GABBR1: variants seen among roughly 807,000 people sequenced by gnomAD.
GABBR1 encodes the protein gamma-aminobutyric acid type B receptor subunit 1.
Under a neutral mutation model 117.7 loss-of-function variants are expected in GABBR1, and 35 were observed. The observed-to-expected ratio is 0.30, with a 90% CI of 0.23 to 0.39. The LOEUF is 0.39. GABBR1 is among the 10% of genes least tolerant of loss of function. The pLI is 1.00. For synonymous variants in GABBR1, 442 were observed against 486.6 expected (o/e 0.91, Z 1.21); for missense variants, 709 against 1,241.8 (o/e 0.57, Z 6.45).
Position 29,613,476 on chromosome 6 carries a change from C to T in GABBR1, c.1333G>A (p.Glu445Lys). 2 of 1,612,400 alleles carry T rather than the reference C, an allele frequency of 1.2e-6. No homozygotes were observed. Among genetic ancestry groups the T allele is most frequent in the Non-Finnish European group, 1.7e-6 (2 of 1,179,510 alleles). The change falls in exon 12 of 23, where the codon GAA (glutamate) becomes AAA (lysine). Residue 445 changes from glutamate (E) to lysine (K), a missense_variant. Glu to Lys is a moderately conservative substitution (Grantham distance 56). This residue lies in a region of GABBR1 where 192 missense variants were observed against 418.4 expected (regional missense o/e 0.46). Transcript: ENST00000377034. The surrounding 1 kb of genome is among the most constrained non-coding windows in gnomAD (Gnocchi z 4.1). ...TRSISNMTSQ[E>K]FVEKLTKRLK... ...CGCTTGGTTAGTTTCTCCACAAATT[C>T]CTGGGATGTCTTGGGAGGAAAAAAT...
Position 29,613,163 on chromosome 6 carries a change from G to C in GABBR1, c.1566+80C>G. 1 of 1,420,492 alleles carries C rather than the reference G, an allele frequency of 7.0e-7. No homozygotes were observed. The highest frequency in any genetic ancestry group is 9.8e-7 in the Non-Finnish European group (1 of 1,019,006). The allele number at this position is 1,420,492 out of a possible 1,614,324, so 88.0% of individuals were successfully genotyped here. ...GAAGTAACTGAGAAAAACAGAGAATGCATGTTTGTAGAAGGTGCCTCTTGG... is the reference window on the plus strand; with the variant it reads ...GAAGTAACTGAGAAAAACAGAGAATCCATGTTTGTAGAAGGTGCCTCTTGG... On this transcript the variant is annotated intron_variant, in intron 12 of 22. Transcript: ENST00000377034. This position sits in a 1 kb window ranked among gnomAD's most constrained non-coding sequence, Gnocchi z 4.1.
Position 29,605,301 on chromosome 6 carries a change from A to G in GABBR1, c.2439+268T>C. 3.5e-6 allele frequency: 2 copies of G among 564,962 alleles called. No individual in the cohort carries two copies. The highest frequency in any genetic ancestry group is 6.2e-6 in the Non-Finnish European group (2 of 323,654). The allele number at this position is 564,962 out of a possible 1,614,324, so 35.0% of individuals were successfully genotyped here. ...AGAGTCCAGCCCATTAACCACAGAC[A>G]AGCAATTTAACGTCTCTGTGTTTCT... On this transcript the variant is annotated intron_variant, in intron 20 of 22. Transcript: ENST00000377034. The surrounding 1 kb of genome is among the most constrained non-coding windows in gnomAD (Gnocchi z 4.2).
At chr6:29,612,161 C>G (rs370136019) in intron 13 of GABBR1, among the ~76,000 whole-genome samples, 1 of 151,880 alleles carries the variant, frequency 6.6e-6, no homozygotes, top group East Asian at 1.9e-4. Flanking sequence ...GCCACCACAC[C>G]CAGCTAATTT....
rs1024193506 is a variant in GABBR1, at chr6:29,623,821, C to T, written c.792+69G>A. ...CTCCTTTTCAATACAAACCCACAAT[C>T]GCCATCGTCCCTTCAGTAGAGCTCA... On this transcript the variant is annotated intron_variant, in intron 7 of 22. Transcript: ENST00000377034. This position sits in a 1 kb window ranked among gnomAD's most constrained non-coding sequence, Gnocchi z 6.2. The T allele has an allele frequency of 1.5e-5, 23 of 1,524,918 alleles. No homozygotes were observed. Among genetic ancestry groups the T allele is most frequent in the East Asian group, 2.3e-5 (1 of 44,108 alleles). The allele number at this position is 1,524,918 out of a possible 1,614,324, so 94.5% of individuals were successfully genotyped here.
intron 6 of GABBR1, among the ~76,000 whole-genome samples, chr6:29,624,679 G>C (rs1020856824): frequency 6.6e-6 from 1 of 152,090 alleles, no homozygotes; most frequent in Non-Finnish European, 1.5e-5. Context: ...GATGAGGAAA[G>C]AACAGAGAGA....
In GABBR1 at chr6:29,623,410, C is replaced by T. The variant is rs374257753; in HGVS notation, c.858G>A (p.Thr286=). 3.1e-5 allele frequency: 50 copies of T among 1,613,828 alleles called. No individual in the cohort carries two copies. The highest frequency in any genetic ancestry group is 1.6e-4 in the Middle Eastern group (1 of 6,076). ...GGTTGTGGAGTGTGGCTGATGGGTG[C>T]GTTCGGAAGAAAGTGGGGAAACGCT... ...NRQRFPTFFR[T]HPSATLHNPT... The change falls in exon 8 of 23, where the codon ACG becomes ACA. Residue 286 remains threonine (T), a synonymous_variant. Coordinates refer to ENST00000377034, the MANE Select transcript of GABBR1 (RefSeq NM_001470.4). The surrounding 1 kb of genome is among the most constrained non-coding windows in gnomAD (Gnocchi z 6.2).
rs761241040 is a variant in GABBR1, at chr6:29,605,732, G to A, written c.2312-36C>T. 1.2e-6 allele frequency: 2 copies of A among 1,604,828 alleles called. No individual in the cohort carries two copies. The highest frequency in any genetic ancestry group is 2.2e-5 in the East Asian group (1 of 44,868). On this transcript the variant is annotated intron_variant, in intron 19 of 22. Transcript: ENST00000377034. This position sits in a 1 kb window ranked among gnomAD's most constrained non-coding sequence, Gnocchi z 4.2. Reference sequence around the variant, plus strand: ...AGGAGAGAGTCACTTGAGCAACAAGGACCACAATGCTCCTCACTCAATCCC... The same window carrying A: ...AGGAGAGAGTCACTTGAGCAACAAGAACCACAATGCTCCTCACTCAATCCC...
chr6:29,616,486 C>A (rs1763121478), intron 11 of GABBR1, among the ~76,000 whole-genome samples: 2 of 151,154 alleles, frequency 1.3e-5, no homozygotes, highest in South Asian at 4.2e-4. Context: ...GTGTTCGAGA[C>A]CAACCTGACC....
Position 29,608,750 on chromosome 6 carries a change from G to C in GABBR1, c.1860-17C>G, listed in dbSNP as rs750646029. ...TGGATATAACTAGGGCAGAGGTGGA[G>C]AGGGTGAGAGGGAGAGAGAATTACC... On this transcript the variant is annotated splice_polypyrimidine_tract_variant and intron_variant, in intron 15 of 22. Coordinates refer to ENST00000377034, the MANE Select transcript of GABBR1 (RefSeq NM_001470.4). The C allele has an allele frequency of 6.2e-7, 1 of 1,610,280 alleles. No individual in the cohort carries two copies. Among genetic ancestry groups the C allele is most frequent in the African/African-American group, 1.3e-5 (1 of 74,938 alleles).
Position 29,605,231 on chromosome 6 carries a change from A to G in GABBR1, c.2440-243T>C. 1.8e-6 allele frequency: 1 copy of G among 569,016 alleles called. No individual in the cohort carries two copies. Among genetic ancestry groups the G allele is most frequent in the Non-Finnish European group, 3.0e-6 (1 of 328,678 alleles). The allele number at this position is 569,016 out of a possible 1,614,324, so 35.2% of individuals were successfully genotyped here. On this transcript the variant is annotated intron_variant, in intron 20 of 22. Coordinates refer to ENST00000377034, the MANE Select transcript of GABBR1 (RefSeq NM_001470.4). The surrounding 1 kb of genome is among the most constrained non-coding windows in gnomAD (Gnocchi z 4.2). ...AGGAACTCCCAGGATCTCTATGCAC[A>G]GATTCCGGGTCCTCCAGAGTCGGTC...
In GABBR1 at chr6:29,632,277, G is replaced by A; in HGVS notation, c.85+24C>T. 1 of 1,340,900 alleles carries A rather than the reference G, an allele frequency of 7.5e-7. No homozygotes were observed. Among genetic ancestry groups the A allele is most frequent in the African/African-American group, 1.5e-5 (1 of 64,924 alleles). 83.1% of individuals were successfully genotyped at this position (1,340,900 alleles called of 1,614,324 possible). On this transcript the variant is annotated intron_variant, in intron 2 of 22. Coordinates refer to ENST00000377034, the MANE Select transcript of GABBR1 (RefSeq NM_001470.4). This position sits in a 1 kb window ranked among gnomAD's most constrained non-coding sequence, Gnocchi z 5.8. ...AAGGGAAGTGGAGCGAAGGAGGGCCGGAGGTCGTCGAAGAAGGATGCACCT... is the reference window on the plus strand; with the variant it reads ...AAGGGAAGTGGAGCGAAGGAGGGCCAGAGGTCGTCGAAGAAGGATGCACCT...
intron 11 of GABBR1, among the ~76,000 whole-genome samples, chr6:29,619,781 C>G (rs1014735196): frequency 6.6e-6 from 1 of 152,092 alleles, no homozygotes; most frequent in African/African-American, 2.4e-5. Flanking sequence ...AATACTTTCC[C>G]AGGTTTTATG....
Position 29,610,954 on chromosome 6 carries a change from G to T in GABBR1, c.1678C>A (p.Leu560Ile). Residue 560 changes from leucine to isoleucine, a missense_variant, in exon 14 of 23, where the codon CTT (leucine) becomes ATT (isoleucine). By Grantham distance (5) the Leu-to-Ile change is conservative. Transcript: ENST00000377034. ...IGYYDSTKDD[L>I]SWSKTDKWIG... ...CATTTATCTGTTTTGGACCAGGAAA[G>T]ATCATCCTTGGTGCTGTCATAGTAG... The T allele has an allele frequency of 6.2e-7, 1 of 1,613,024 alleles. No homozygotes were observed. The highest frequency in any genetic ancestry group is 8.5e-7 in the Non-Finnish European group (1 of 1,179,978).
In GABBR1 at chr6:29,603,614, G is replaced by A; in HGVS notation, c.2815C>T (p.Pro939Ser). The change falls in exon 23 of 23, where the codon CCC becomes TCC. Residue 939 changes from proline to serine, a missense_variant. Coordinates refer to ENST00000377034, the MANE Select transcript of GABBR1 (RefSeq NM_001470.4). ...PTPPEPSGGL[P>S]RGPPEPPDRL... Reference sequence around the variant, plus strand: ...TCGGGGGGCTCAGGGGGTCCCCTGGGCAGGCCCCCAGAGGGTTCTGGGGGT... The same window carrying A: ...TCGGGGGGCTCAGGGGGTCCCCTGGACAGGCCCCCAGAGGGTTCTGGGGGT... The A allele has an allele frequency of 3.2e-6, 5 of 1,570,680 alleles. No homozygotes were observed. Among genetic ancestry groups the A allele is most frequent in the Non-Finnish European group, 3.4e-6 (4 of 1,162,892 alleles).
In GABBR1 at chr6:29,605,783, T is replaced by G. The variant is rs1372309684; in HGVS notation, c.2312-87A>C. ...CATCCCCTCTCTGCCCTTCACCTAC[T>G]CTGAAATGGAAAGGGGGCCCTCCTC... On this transcript the variant is annotated intron_variant, in intron 19 of 22. Coordinates refer to ENST00000377034, the MANE Select transcript of GABBR1 (RefSeq NM_001470.4). The surrounding 1 kb of genome is among the most constrained non-coding windows in gnomAD (Gnocchi z 4.2). 1 of 1,507,222 alleles carries G rather than the reference T, an allele frequency of 6.6e-7. No homozygotes were observed. Among genetic ancestry groups the G allele is most frequent in the Non-Finnish European group, 9.0e-7 (1 of 1,117,296 alleles). The allele number at this position is 1,507,222 out of a possible 1,614,324, so 93.4% of individuals were successfully genotyped here.
Position 29,608,590 on chromosome 6 carries a change from C to G in GABBR1, c.1992+11G>C. 1 of 1,611,394 alleles carries G rather than the reference C, an allele frequency of 6.2e-7. No individual in the cohort carries two copies. Among genetic ancestry groups the G allele is most frequent in the South Asian group, 1.1e-5 (1 of 90,774 alleles). On this transcript the variant is annotated intron_variant, in intron 16 of 22. Coordinates refer to ENST00000377034, the MANE Select transcript of GABBR1 (RefSeq NM_001470.4). The stretch of plus-strand genomic sequence containing the variant: ...CACATCCTGTAAGGAATTTGCCCAC[C>G]ACCTCCTCACCTGGCAGACGAAAGG...
chr6:29,631,108 G>A lies in GABBR1; in HGVS notation c.289+288C>T, dbSNP rs997605500. 2.0e-5 allele frequency among the ~76,000 whole-genome samples: 3 copies of A among 152,114 alleles called. No individual in the cohort carries two copies. Among genetic ancestry groups the A allele is most frequent in the Non-Finnish European group, 2.9e-5 (2 of 68,024 alleles). ...TTTTAGAATTTTTTTGTCATCATCTGCCACTAATGATCCTCAAAGAGAATA... is the reference window on the plus strand; with the variant it reads ...TTTTAGAATTTTTTTGTCATCATCTACCACTAATGATCCTCAAAGAGAATA... On this transcript the variant is annotated intron_variant, in intron 3 of 22. Transcript: ENST00000377034. The surrounding 1 kb of genome is among the most constrained non-coding windows in gnomAD (Gnocchi z 5.9).
rs188675769 is a variant in GABBR1 at position 29,631,721 on chromosome 6, G to A, written c.86-122C>T. ...TGTGGGCAGGCTGGGGACAGAGGAA[G>A]AGGGATGGGGCACTAGAGGGTGGGA... On this transcript the variant is annotated intron_variant, in intron 2 of 22. Transcript: ENST00000377034. This position sits in a 1 kb window ranked among gnomAD's most constrained non-coding sequence, Gnocchi z 5.9. 4 of 787,828 alleles carry A rather than the reference G, an allele frequency of 5.1e-6. No homozygotes were observed. Among genetic ancestry groups the A allele is most frequent in the Non-Finnish European group, 8.5e-6 (4 of 469,104 alleles). 48.8% of individuals were successfully genotyped at this position (787,828 alleles called of 1,614,324 possible). A position where few individuals can be genotyped will look rare whatever the true frequency, so the allele number is the denominator to read the frequency against.
chr6:29,603,722 G>A lies in GABBR1; in HGVS notation c.2713-6C>T. ...TCAGAGACACGCTCCTCTTTCTGGA[G>A]GAAGAAGCACAATTGGGATAGTAGG... On this transcript the variant is annotated splice_region_variant and splice_polypyrimidine_tract_variant and intron_variant, in intron 22 of 22. Transcript: ENST00000377034. 6.8e-7 allele frequency: 1 copy of A among 1,477,634 alleles called. No homozygotes were observed. Among genetic ancestry groups the A allele is most frequent in the South Asian group, 1.5e-5 (1 of 66,456 alleles). 91.5% of individuals were successfully genotyped at this position (1,477,634 alleles called of 1,614,324 possible). A position where few individuals can be genotyped will look rare whatever the true frequency, so the allele number is the denominator to read the frequency against.
Sources: gnomAD v4.1 joint callset for allele counts (sites outside exome capture counted in the v4.1 genomes callset) on GRCh38, gnomAD v4.1.1 for gene constraint, gnomAD v4.1.1 regional missense constraint, Gnocchi (gnomAD v3.1) non-coding constraint, MANE v1.5 for transcripts, NCBI Gene and HGNC (gene_info 2026-07-23, HGNC 2026-07-21) for gene names.